The following SLC25A12 variants were observed in gnomAD, a reference collection of about 807,000 sequenced individuals.
SLC25A12 encodes solute carrier family 25 member 12, also known as electrogenic aspartate/glutamate antiporter SLC25A12, mitochondrial.
Under a neutral mutation model 83.3 loss-of-function variants are expected in SLC25A12, and 32 were observed. The ratio of observed to expected loss-of-function variants is 0.38; its 90% confidence interval spans 0.29 to 0.52. The LOEUF (loss-of-function observed/expected upper bound fraction) is 0.52. Ranked by LOEUF, SLC25A12 falls within the 20% of genes least tolerant of loss-of-function variation. SLC25A12 has a pLI of 0.84. For missense variants in SLC25A12, 611 were observed against 835.6 expected, an observed-to-expected ratio of 0.73 and a Z score of 3.31; for synonymous variants, 267 against 291.1, an observed-to-expected ratio of 0.92 and a Z score of 0.84.
intron 3 of SLC25A12, among the ~76,000 whole-genome samples, chr2:171,860,331 A>G (rs1685127464): frequency 6.6e-6 from 1 of 152,150 alleles, no homozygotes; most frequent in African/African-American, 2.4e-5. Context: ...CTGTAATCCC[A>G]GCACTTCGGG....
chr2:171,803,031 A>T (rs1016582393), intron 13 of SLC25A12, among the ~76,000 whole-genome samples: 6 of 152,148 alleles, frequency 3.9e-5, no homozygotes, highest in Admixed American at 3.9e-4. Flanking sequence ...GTACACATGT[A>T]TATGAAAACA....
intron 4 of SLC25A12, among the ~76,000 whole-genome samples, chr2:171,847,993 G>T (rs1296222489): frequency 6.6e-6 from 1 of 152,154 alleles, no homozygotes; most frequent in African/African-American, 2.4e-5. Context: ...CACTTATGAT[G>T]ATTGGACTAG....
intron 1 of SLC25A12, among the ~76,000 whole-genome samples, chr2:171,893,857 G>T (rs1251607745): frequency 6.6e-6 from 1 of 151,966 alleles, no homozygotes; most frequent in Non-Finnish European, 1.5e-5. Context: ...GATACCCTAG[G>T]TATCCCCAGC....
intron 5 of SLC25A12, among the ~76,000 whole-genome samples, chr2:171,840,875 G>T (rs1414600213): frequency 6.6e-6 from 1 of 151,834 alleles, no homozygotes; most frequent in Non-Finnish European, 1.5e-5. Context: ...CCAAAGAAAA[G>T]AAAAAATATT....
In SLC25A12 at chr2:171,787,881, C is replaced by T; in HGVS notation, c.1652G>A (p.Arg551His). Residue 551 changes from arginine (R) to histidine (H), a missense_variant, in exon 16 of 18, where the codon CGC (arginine) becomes CAC (histidine). Coordinates refer to ENST00000422440, the MANE Select transcript of SLC25A12 (RefSeq NM_003705.5). ...VIKTRLQVAA[R>H]AGQTTYSGVI... Reference sequence around the variant, plus strand: ...ACCACTGTATGTCGTCTGGCCAGCGCGGGCAGCCACCTGCAGTCTTGTCTT... The same window carrying T: ...ACCACTGTATGTCGTCTGGCCAGCGTGGGCAGCCACCTGCAGTCTTGTCTT... 2 of 1,614,212 alleles carry T rather than the reference C, an allele frequency of 1.2e-6. No homozygotes were observed. Among genetic ancestry groups the T allele is most frequent in the Non-Finnish European group, 1.7e-6 (2 of 1,180,026 alleles).
In SLC25A12 at chr2:171,826,783, T is replaced by C; in HGVS notation, c.930+15A>G. On this transcript the variant is annotated intron_variant, in intron 9 of 17. Coordinates refer to ENST00000422440, the MANE Select transcript of SLC25A12 (RefSeq NM_003705.5). ...CATTTTTTTAAGGTGATCATATTTA[T>C]GAGATTACTCATACCTGTCTCTGAA... 7.0e-7 allele frequency: 1 copy of C among 1,421,346 alleles called. No homozygotes were observed. The highest frequency in any genetic ancestry group is 1.0e-6 in the Non-Finnish European group (1 of 1,003,730). 88.0% of individuals were successfully genotyped at this position (1,421,346 alleles called of 1,614,324 possible).
At chr2:171,830,891 T>C (rs894734269) in intron 8 of SLC25A12, among the ~76,000 whole-genome samples, 3 of 152,174 alleles carry the variant, frequency 2.0e-5, no homozygotes, top group Admixed American at 6.5e-5. Context: ...ATGTGAGATA[T>C]ATAGGGTTAG....
chr2:171,842,672 G>A (rs1684704053), intron 5 of SLC25A12, among the ~76,000 whole-genome samples: 1 of 152,142 alleles, frequency 6.6e-6, no homozygotes, highest in African/African-American at 2.4e-5. Flanking sequence ...GAGACAGAAA[G>A]TAGGCTGGAA....
chr2:171,813,804 T>G (rs925284016), intron 10 of SLC25A12, among the ~76,000 whole-genome samples: 1 of 152,204 alleles, frequency 6.6e-6, no homozygotes, highest in Non-Finnish European at 1.5e-5. Context: ...CACTCAGTTT[T>G]CTATAGTAAC....
Position 171,834,708 on chromosome 2 carries a change from G to A in SLC25A12, c.751+19C>T, listed in dbSNP as rs1349102474. ...TGAAAATGCTGAGATTCTTATTTATGTATATTTTAAAATCTTACCCTTTGT... is the reference window on the plus strand; with the variant it reads ...TGAAAATGCTGAGATTCTTATTTATATATATTTTAAAATCTTACCCTTTGT... On this transcript the variant is annotated intron_variant, in intron 7 of 17. Coordinates refer to ENST00000422440, the MANE Select transcript of SLC25A12 (RefSeq NM_003705.5). The A allele has an allele frequency of 1.7e-5, 27 of 1,610,472 alleles. No individual in the cohort carries two copies. The highest frequency in any genetic ancestry group is 2.1e-5 in the Non-Finnish European group (25 of 1,178,928).
At chr2:171,881,620 A>T (rs1359417391) in intron 2 of SLC25A12, among the ~76,000 whole-genome samples, 1 of 152,208 alleles carries the variant, frequency 6.6e-6, no homozygotes. Context: ...AAGGACTTCA[A>T]GCCTTCAGCT....
intron 10 of SLC25A12, among the ~76,000 whole-genome samples, chr2:171,814,825 A>G (rs1684016998): frequency 6.6e-6 from 1 of 152,124 alleles, no homozygotes; most frequent in African/African-American, 2.4e-5. Context: ...ACACAGTCTC[A>G]TTTTCCATTT....
intron 13 of SLC25A12, among the ~76,000 whole-genome samples, chr2:171,798,108 C>T (rs1683634499): frequency 6.6e-6 from 1 of 152,156 alleles, no homozygotes; most frequent in Admixed American, 6.5e-5. Flanking sequence ...GAGAACAAAT[C>T]TCATTTTGAA....
At chr2:171,817,873 T>C (rs1459034220) in intron 9 of SLC25A12, among the ~76,000 whole-genome samples, 1 of 152,188 alleles carries the variant, frequency 6.6e-6, no homozygotes, top group Non-Finnish European at 1.5e-5. Context: ...ACTTTCTTCC[T>C]TTAAAGAATG....
chr2:171,871,287 G>C (rs565942689), intron 2 of SLC25A12, among the ~76,000 whole-genome samples: 1 of 150,440 alleles, frequency 6.6e-6, no homozygotes, highest in Non-Finnish European at 1.5e-5. Flanking sequence ...CCCAGTGGCC[G>C]GGCGCAGTGG....
intron 13 of SLC25A12, among the ~76,000 whole-genome samples, chr2:171,807,385 A>G (rs1469058300): frequency 6.6e-6 from 1 of 152,240 alleles, no homozygotes; most frequent in Non-Finnish European, 1.5e-5. Flanking sequence ...GTTCAAACCT[A>G]TAAACAGGGT....
intron 9 of SLC25A12, among the ~76,000 whole-genome samples, chr2:171,824,507 A>T (rs966087824): frequency 2.0e-5 from 3 of 152,190 alleles, no homozygotes; most frequent in African/African-American, 7.2e-5. Flanking sequence ...ATATTAAGGA[A>T]ACCTCCAGGG....
At chr2:171,791,613 G>A in intron 14 of SLC25A12, 24 bp from the exon 15 acceptor site, 1 of 1,611,564 alleles carries the variant, frequency 6.2e-7, no homozygotes, top group African/African-American at 1.3e-5. Context: ...AGGAAATAGT[G>A]CAAAACAGTG....
chr2:171,832,432 A>T (rs1684461461), intron 8 of SLC25A12, among the ~76,000 whole-genome samples: 1 of 152,188 alleles, frequency 6.6e-6, no homozygotes, highest in Non-Finnish European at 1.5e-5. Flanking sequence ...CACCATAGAC[A>T]ACAATTTTTG....
Sources: allele counts gnomAD v4.1 joint callset (sites outside exome capture counted in the v4.1 genomes callset), GRCh38; gene constraint gnomAD v4.1.1; transcripts MANE v1.5; gene names NCBI Gene and HGNC (gene_info 2026-07-23, HGNC 2026-07-21).